SMG6: variants seen among roughly 807,000 people sequenced by gnomAD.
SMG6 encodes the protein telomerase-binding protein EST1A.
A neutral mutation model predicts 142.2 loss-of-function variants in SMG6; 66 were observed. That is an observed-to-expected ratio of 0.46 (90% CI 0.38 to 0.57). The LOEUF (loss-of-function observed/expected upper bound fraction) is 0.57, where lower values mean the gene tolerates loss of function less well. Among genes scored for constraint, SMG6 ranks in the 20% least tolerant of loss-of-function variants. SMG6 has a pLI of 0.00. For synonymous variants in SMG6, 779 were observed against 702.4 expected, an observed-to-expected ratio of 1.11 and a Z score of -1.72; for missense variants, 1,793 against 1,832.0, an observed-to-expected ratio of 0.98 and a Z score of 0.39.
chr17:2,091,582 A>G (rs1430555132), intron 13 of SMG6, among the ~76,000 whole-genome samples: 1 of 152,042 alleles, frequency 6.6e-6, no homozygotes, highest in Non-Finnish European at 1.5e-5. Flanking sequence ...GGATCAATTC[A>G]AACAGTATTT....
At position 2,299,959 on chromosome 17, in the gene SMG6, T is replaced by C. The variant is rs930753969; in HGVS notation, c.794A>G (p.Asn265Ser). ...CAGGCCAGCTCCCTCAGCGCTGTTG[T>C]TGCTGCCAGCTGAGCTGGTGCTGCG... ...RTRSTSSAGSNNSAEGAGLTD... is the reference protein window; with the variant it reads ...RTRSTSSAGSSNSAEGAGLTD... Residue 265 changes from asparagine to serine, a missense_variant, in exon 2 of 19, where the codon AAC becomes AGC. Asn to Ser is a conservative substitution (Grantham distance 46). Transcript: ENST00000263073. This position sits in a 1 kb window ranked among gnomAD's most constrained non-coding sequence, Gnocchi z 4.3. 44 of 1,614,006 alleles carry C rather than the reference T, an allele frequency of 2.7e-5. No individual in the cohort carries two copies. The highest frequency in any genetic ancestry group is 3.6e-5 in the Non-Finnish European group (42 of 1,180,032).
chr17:2,226,091 C>A lies in SMG6; in HGVS notation c.2869+10401G>T, dbSNP rs567620997. ...GGGAGTTCAAGACCAGCCTGACCAA[C>A]ATGGAGAAACCCTGTTTCTACTAAA... On this transcript the variant is annotated intron_variant, in intron 10 of 18. Transcript: ENST00000263073. Among the ~76,000 whole-genome samples the A allele has an allele frequency of 3.3e-5, 5 of 152,152 alleles. No individual in the cohort carries two copies. In the East Asian group the frequency reaches 7.7e-4, roughly 24 times the overall value.
intron 6 of SMG6, among the ~76,000 whole-genome samples, chr17:2,289,680 G>A (rs1033576263): frequency 1.1e-4 from 16 of 152,126 alleles, no homozygotes; most frequent in African/African-American, 3.1e-4. Context: ...TGAGGCTGAG[G>A]TAGGTGGATC....
In SMG6 at chr17:2,113,691, T is replaced by C. The variant is rs2069410869; in HGVS notation, c.3358-27790A>G. Among the ~76,000 whole-genome samples, 3 of 152,222 alleles carry C rather than the reference T, an allele frequency of 2.0e-5. No homozygotes were observed. The South Asian group carries it at 6.2e-4, about 32-fold the overall frequency. On this transcript the variant is annotated intron_variant, in intron 13 of 18. Transcript: ENST00000263073. Reference sequence around the variant, plus strand: ...TCCTACTCCATTCTGGAGATCTTATTATTTTCACCTTTCCTTTCCTGGACC... The same window carrying C: ...TCCTACTCCATTCTGGAGATCTTATCATTTTCACCTTTCCTTTCCTGGACC...
intron 13 of SMG6, chr17:2,088,745 T>C: frequency 1.0e-6 from 1 of 985,358 alleles, no homozygotes; most frequent in Non-Finnish European, 1.2e-6. Context: ...ATGGAGAAAC[T>C]GAGAGGCAGA....
chr17:2,243,011 C>A (rs1199812353), intron 9 of SMG6, among the ~76,000 whole-genome samples: 1 of 152,144 alleles, frequency 6.6e-6, no homozygotes, highest in Non-Finnish European at 1.5e-5. Flanking sequence ...GAGGCAAAAA[C>A]TGCCAGAGTG....
rs1418011847 is a variant in SMG6, at chr17:2,060,526, G to A, written c.*966C>T. 6.6e-6 allele frequency: 1 copy of A among 152,292 alleles called. No individual in the cohort carries two copies. Among genetic ancestry groups the A allele is most frequent in the Non-Finnish European group, 1.5e-5 (1 of 68,108 alleles). 9.4% of individuals were successfully genotyped at this position (152,292 alleles called of 1,614,324 possible). ...AGTAGAGAGGGAAAGTTCAGAGTGAGAACCCCTATGACGAGGAACCGCGGT... is the reference window on the plus strand; with the variant it reads ...AGTAGAGAGGGAAAGTTCAGAGTGAAAACCCCTATGACGAGGAACCGCGGT... On this transcript the variant is annotated 3_prime_UTR_variant, in exon 19 of 19. Transcript: ENST00000263073.
intron 8 of SMG6, among the ~76,000 whole-genome samples, chr17:2,257,453 A>G (rs1372825465): frequency 6.6e-6 from 1 of 152,144 alleles, no homozygotes; most frequent in African/African-American, 2.4e-5. Flanking sequence ...CCCCAAAGGT[A>G]TTTAAAGGAA....
chr17:2,243,435 C>T (rs1487006429), intron 9 of SMG6, among the ~76,000 whole-genome samples: 1 of 152,192 alleles, frequency 6.6e-6, no homozygotes, highest in Non-Finnish European at 1.5e-5. Flanking sequence ...AATCCCAGCA[C>T]TTTGGGAGGG....
chr17:2,119,754 C>T (rs916119064), intron 13 of SMG6, among the ~76,000 whole-genome samples: 12 of 151,960 alleles, frequency 7.9e-5, no homozygotes, highest in African/African-American at 1.9e-4. Context: ...CTCCGCCTCC[C>T]GGGTTCATGC....
intron 8 of SMG6, among the ~76,000 whole-genome samples, chr17:2,262,196 A>G (rs2074330646): frequency 6.6e-6 from 1 of 152,234 alleles, no homozygotes; most frequent in South Asian, 2.1e-4. Flanking sequence ...CTTAGTGCCA[A>G]TGATTACAAC....
intron 6 of SMG6, among the ~76,000 whole-genome samples, chr17:2,289,373 G>A (rs1275456668): frequency 3.9e-5 from 6 of 152,008 alleles, no homozygotes; most frequent in African/African-American, 7.2e-5. Flanking sequence ...CCTGGGCAAC[G>A]GAGTGAGATC....
intron 13 of SMG6, among the ~76,000 whole-genome samples, chr17:2,152,146 G>C (rs2070846410): frequency 6.6e-6 from 1 of 152,232 alleles, no homozygotes; most frequent in South Asian, 2.1e-4. Flanking sequence ...GAGGAACCCA[G>C]TTGAAGGTAA....
At chr17:2,143,779 C>A (rs1016099617) in intron 13 of SMG6, among the ~76,000 whole-genome samples, 1 of 152,170 alleles carries the variant, frequency 6.6e-6, no homozygotes, top group Admixed American at 6.5e-5. Flanking sequence ...AAAACATCTT[C>A]ACTCTTATTT....
At chr17:2,110,614 G>A (rs952054323) in intron 13 of SMG6, among the ~76,000 whole-genome samples, 11 of 152,134 alleles carry the variant, frequency 7.2e-5, no homozygotes, top group African/African-American at 2.7e-4. Context: ...AGCAGCAAAG[G>A]AAAGCAGACG....
rs1354049717 is a variant in SMG6 at position 2,242,336 on chromosome 17, C to A, written c.2723+2322G>T. Among the ~76,000 whole-genome samples, 13 of 125,894 alleles carry A rather than the reference C, an allele frequency of 1.0e-4. No homozygotes were observed. In the Admixed American group the frequency reaches 1.1e-3, roughly 11 times the overall value. 82.6% of individuals were successfully genotyped at this position (125,894 alleles called of 152,430 possible). On this transcript the variant is annotated intron_variant, in intron 9 of 18. Transcript: ENST00000263073. The stretch of plus-strand genomic sequence containing the variant: ...GACCATCCTGGCTAACGTAGTAAAA[C>A]CCCATCTCTACTGAAGATACAAAAA...
intron 10 of SMG6, among the ~76,000 whole-genome samples, chr17:2,222,380 C>T (rs938311240): frequency 6.6e-6 from 1 of 151,702 alleles, no homozygotes; most frequent in Non-Finnish European, 1.5e-5. Flanking sequence ...AGACAGATGG[C>T]TGGATGCAGA....
intron 13 of SMG6, among the ~76,000 whole-genome samples, chr17:2,166,412 GA>G (rs1416050458): frequency 3.3e-5 from 5 of 152,178 alleles, no homozygotes; most frequent in South Asian, 2.1e-4. Flanking sequence ...TATTTTGGGG[GA>G]AAAAATGCCA....
At chr17:2,096,547 A>G (rs1227750917) in intron 13 of SMG6, among the ~76,000 whole-genome samples, 5 of 151,798 alleles carry the variant, frequency 3.3e-5, no homozygotes, top group Non-Finnish European at 7.4e-5. Flanking sequence ...AGGTCTTACT[A>G]TGTCCCCTAG....
Sources: allele counts gnomAD v4.1 joint callset (sites outside exome capture counted in the v4.1 genomes callset), GRCh38; gene constraint gnomAD v4.1.1; non-coding constraint Gnocchi (gnomAD v3.1); transcripts MANE v1.5; gene names NCBI Gene and HGNC (gene_info 2026-07-23, HGNC 2026-07-21).